ABCA10: variants seen among roughly 807,000 people sequenced by gnomAD.
The protein encoded by ABCA10 is ATP-binding cassette sub-family A member 10.
In ABCA10, 169 loss-of-function variants were observed where a neutral mutation model predicts 187.5. The observed-to-expected ratio is 0.90, with a 90% CI of 0.80 to 1.02. ABCA10 has a LOEUF of 1.02. Among genes scored for constraint, ABCA10 ranks in the 50% least tolerant of loss-of-function variants. The pLI, the probability that ABCA10 is intolerant of heterozygous loss-of-function variation, is 0.00. For missense variants in ABCA10, 1,727 were observed against 1,812.4 expected, an observed-to-expected ratio of 0.95 and a Z score of 0.86; for synonymous variants, 574 against 601.8, an observed-to-expected ratio of 0.95 and a Z score of 0.68.
At position 69,155,576 on chromosome 17, in the gene ABCA10, C is replaced by T. The variant is rs571667514; in HGVS notation, c.3576+229G>A. Among the ~76,000 whole-genome samples, 51 of 152,208 alleles carry T rather than the reference C, an allele frequency of 3.4e-4. 1 individual carries two copies. Among genetic ancestry groups the T allele is most frequent in the South Asian group, 2.5e-3 (12 of 4,824 alleles). ...AAAATTCGAGAACTTGTTGATTACA[C>T]TGATGAATGAGGAGCTGGAAGAGTA... is the stretch of plus-strand genomic sequence containing the variant. On this transcript the variant is annotated intron_variant, in intron 29 of 38. Transcript: ENST00000690296.
intron 14 of ABCA10, 114 bp downstream of exon 14, chr17:69,193,379 T>G (rs1030870724): frequency 1.3e-6 from 2 of 1,500,720 alleles, no homozygotes; most frequent in African/African-American, 2.8e-5. Context: ...GCTTGCATGG[T>G]ACTTTATTAT....
chr17:69,151,996 A>C (rs946771666), intron 36 of ABCA10, 47 bp downstream of exon 36: 3 of 1,579,742 alleles, frequency 1.9e-6, no homozygotes, highest in Non-Finnish European at 2.6e-6. Flanking sequence ...TGATGCTAAT[A>C]CTGGAAAACA....
chr17:69,179,916 A>G (rs539873918), intron 22 of ABCA10, among the ~76,000 whole-genome samples: 2 of 152,324 alleles, frequency 1.3e-5, no homozygotes, highest in East Asian at 1.9e-4. Context: ...CCCAGCATAC[A>G]TTCAATTCTG....
exon 1 of ABCA10, chr17:69,244,629 G>T (rs1057022606): frequency 9.2e-5 from 14 of 151,386 alleles, no homozygotes; most frequent in Non-Finnish European, 1.5e-5. Context: ...ATCAATGTTA[G>T]CAAATTAAAA....
chr17:69,171,084 CAG>C (rs1435607320), intron 25 of ABCA10, among the ~76,000 whole-genome samples: 1 of 152,154 alleles, frequency 6.6e-6, no homozygotes, highest in Non-Finnish European at 1.5e-5. Context: ...ATCCCTAATA[CAG>C]AGTCTTCGGA....
intron 5 of ABCA10, 140 bp from the exon 6 acceptor site, chr17:69,219,911 T>C: frequency 1.6e-6 from 1 of 629,560 alleles, no homozygotes; most frequent in Non-Finnish European, 2.5e-6. Flanking sequence ...AGAACAATCT[T>C]AATAACTTTT....
chr17:69,187,674 T>A lies in ABCA10; in HGVS notation c.2330+7A>T, dbSNP rs1195947591. The stretch of plus-strand genomic sequence containing the variant: ...ACCAAATAGATATAAAGTAATCTGA[T>A]ACTCACAAACACAAAAGAGCTCTCC... On this transcript the variant is annotated splice_region_variant and intron_variant, in intron 19 of 38. Coordinates refer to ENST00000690296, the MANE Select transcript of ABCA10 (RefSeq NM_001377321.1). The A allele has an allele frequency of 6.2e-7, 1 of 1,612,406 alleles. No homozygotes were observed. Among genetic ancestry groups the A allele is most frequent in the African/African-American group, 1.3e-5 (1 of 74,868 alleles).
intron 29 of ABCA10, among the ~76,000 whole-genome samples, 163 bp from the exon 30 acceptor site, chr17:69,155,299 A>C (rs964932478): frequency 6.6e-6 from 1 of 152,192 alleles, no homozygotes; most frequent in African/African-American, 2.4e-5. Context: ...GTATGTTCAT[A>C]AATAAGGGCT....
intron 22 of ABCA10, among the ~76,000 whole-genome samples, chr17:69,181,145 G>C (rs2074377683): frequency 1.3e-5 from 2 of 152,064 alleles, no homozygotes; most frequent in Admixed American, 1.3e-4. Context: ...ACATATGTGG[G>C]TGTGTATACA....
chr17:69,177,614 CTTAAGTATA>C (rs1444284809), intron 22 of ABCA10, among the ~76,000 whole-genome samples: 1 of 151,946 alleles, frequency 6.6e-6, no homozygotes, highest in Admixed American at 6.6e-5. Context: ...CTATTTATAA[CTTAAGTATA>C]TCAACTTCAG....
chr17:69,194,259 A>T, intron 12 of ABCA10, 126 bp downstream of exon 12: 1 of 817,584 alleles, frequency 1.2e-6, no homozygotes, highest in Non-Finnish European at 2.0e-6. Context: ...ATATGAAATC[A>T]ATATTTCCTG....
At chr17:69,149,693 G>A (rs1172356454) in intron 37 of ABCA10, among the ~76,000 whole-genome samples, 2 of 152,014 alleles carry the variant, frequency 1.3e-5, no homozygotes, top group East Asian at 1.9e-4. Flanking sequence ...TTCTATGCAC[G>A]GGTGTCATGG....
chr17:69,192,281 C>A (rs1354115430), intron 16 of ABCA10, among the ~76,000 whole-genome samples: 1 of 151,962 alleles, frequency 6.6e-6, no homozygotes, highest in African/African-American at 2.4e-5. Context: ...TGCACTCCAG[C>A]CTGGCAACAG....
chr17:69,194,388 C>A lies in ABCA10; in HGVS notation c.1342G>T (p.Glu448Ter). The A allele has an allele frequency of 6.2e-7, 1 of 1,607,066 alleles. No individual in the cohort carries two copies. Among genetic ancestry groups the A allele is most frequent in the South Asian group, 1.1e-5 (1 of 90,572 alleles). The change falls in exon 12 of 39, where the codon GAA (glutamate) becomes TAA (stop). Residue 448 changes from glutamate (E) to a stop codon, truncating the protein, a stop_gained. Coordinates refer to ENST00000690296, the MANE Select transcript of ABCA10 (RefSeq NM_001377321.1). LOFTEE classifies it high-confidence loss of function. Reference sequence around the variant, plus strand: ...CTTTATAAAACTGTTTTCTCACCTTCTGTAGAAACAGACAATCCACTAAGA... The same window carrying A: ...CTTTATAAAACTGTTTTCTCACCTTATGTAGAAACAGACAATCCACTAAGA... ...NILSGLSVSTEGSATIYNTQL... is the reference protein window; with the variant it reads ...NILSGLSVST
chr17:69,223,449 C>T (rs2074767364), intron 3 of ABCA10, among the ~76,000 whole-genome samples: 1 of 152,272 alleles, frequency 6.6e-6, no homozygotes, highest in South Asian at 2.1e-4. Flanking sequence ...GAGTAATCCA[C>T]CCACTAAGTG....
intron 23 of ABCA10, among the ~76,000 whole-genome samples, chr17:69,175,098 G>A (rs1259531747): frequency 6.6e-6 from 1 of 152,152 alleles, no homozygotes; most frequent in Non-Finnish European, 1.5e-5. Flanking sequence ...TCATGCTATA[G>A]TTAAAAATCT....
chr17:69,243,799 G>A (rs1338642609), intron 1 of ABCA10, among the ~76,000 whole-genome samples: 1 of 152,200 alleles, frequency 6.6e-6, no homozygotes, highest in African/African-American at 2.4e-5. Context: ...TCAGGAGGCT[G>A]AGGTGGGAGG....
chr17:69,193,217 A>G lies in ABCA10; in HGVS notation c.1673T>C (p.Leu558Ser). 6.2e-7 allele frequency: 1 copy of G among 1,614,056 alleles called. No individual in the cohort carries two copies. The change falls in exon 15 of 39, where the codon TTG (leucine) becomes TCG (serine). Residue 558 changes from leucine (L) to serine (S), a missense_variant. Leu to Ser is a moderately radical substitution (Grantham distance 145). Transcript: ENST00000690296. ...VLLLDEPTAG[L>S]DPFSRHRVWS... The stretch of plus-strand genomic sequence containing the variant: ...CACTCGGTGTCTTGAAAAGGGATCC[A>G]ATCCAGCAGTTGGTTCATCTAGCAG...
chr17:69,172,639 A>G (rs946862954), intron 25 of ABCA10, among the ~76,000 whole-genome samples: 7 of 152,152 alleles, frequency 4.6e-5, no homozygotes, highest in Non-Finnish European at 1.0e-4. Flanking sequence ...TAAAATATAG[A>G]TTATGACTTT....
Sources: allele counts gnomAD v4.1 joint callset (sites outside exome capture counted in the v4.1 genomes callset), GRCh38; gene constraint gnomAD v4.1.1; transcripts MANE v1.5; gene names NCBI Gene and HGNC (gene_info 2026-07-23, HGNC 2026-07-21).